TCHP: variants seen among roughly 807,000 people sequenced by gnomAD.
TCHP encodes trichoplein keratin filament binding.
In TCHP, 81 loss-of-function variants were observed where a neutral mutation model predicts 88.7. That is an observed-to-expected ratio of 0.91 (90% CI 0.76 to 1.10). The LOEUF (loss-of-function observed/expected upper bound fraction) is 1.10. Among genes scored for constraint, TCHP ranks in the 50% least tolerant of loss-of-function variants. The pLI is 0.00. For synonymous variants in TCHP, 232 were observed against 232.5 expected (o/e 1.00, Z 0.02); for missense variants, 641 against 632.1 (o/e 1.01, Z -0.15).
the TCHP span, among the ~76,000 whole-genome samples, chr12:109,883,162 T>C: frequency 2.0e-5 from 3 of 151,226 alleles, no homozygotes; most frequent in African/African-American, 7.3e-5. Flanking sequence ...GTCTCTCAAG[T>C]ACCTGGGACT....
the TCHP span, among the ~76,000 whole-genome samples, chr12:109,884,102 G>A: frequency 4.6e-5 from 7 of 152,176 alleles, no homozygotes; most frequent in African/African-American, 9.7e-5. Context: ...TGAAGTGGGA[G>A]GACCCCTTGA....
intron 10 of TCHP, among the ~76,000 whole-genome samples, chr12:109,914,036 C>A (rs991891365): frequency 4.6e-5 from 7 of 152,162 alleles, no homozygotes; most frequent in Non-Finnish European, 8.8e-5. Flanking sequence ...GAGGACCACC[C>A]CAGCTCCACC....
chr12:109,908,996 C>T, intron 8 of TCHP, 59 bp downstream of exon 8: 1 of 1,515,600 alleles, frequency 6.6e-7, no homozygotes, highest in Non-Finnish European at 9.1e-7. Flanking sequence ...AAAGGCCTTC[C>T]ATTGCTTAGT....
chr12:109,902,650 T>G, intron 1 of TCHP, among the ~76,000 whole-genome samples: 1 of 152,150 alleles, frequency 6.6e-6, no homozygotes, highest in African/African-American at 2.4e-5. Context: ...ATTTTTTGTA[T>G]TTTTAGTGGA....
Position 109,903,278 on chromosome 12 carries a change from C to T in TCHP, c.188+64C>T. ...ACCACTTGCTGGTCAGGGGATGAGG[C>T]CTTAAGGATTTAGGGAGCGTAGGAT... On this transcript the variant is annotated intron_variant, in intron 2 of 12. Transcript: ENST00000405876. This position sits in a 1 kb window ranked among gnomAD's most constrained non-coding sequence, Gnocchi z 4.6. 6.7e-7 allele frequency: 1 copy of T among 1,497,300 alleles called. No homozygotes were observed. Among genetic ancestry groups the T allele is most frequent in the South Asian group, 1.2e-5 (1 of 80,930 alleles). 92.8% of individuals were successfully genotyped at this position (1,497,300 alleles called of 1,614,324 possible). A position where few individuals can be genotyped will look rare whatever the true frequency, so the allele number is the denominator to read the frequency against.
At chr12:109,881,561 A>G in the TCHP span, among the ~76,000 whole-genome samples, 1 of 152,244 alleles carries the variant, frequency 6.6e-6, no homozygotes, top group Non-Finnish European at 1.5e-5. Flanking sequence ...GCCTGCTCCC[A>G]AACTGTGGGG....
At position 109,907,634 on chromosome 12, in the gene TCHP, G is replaced by C; in HGVS notation, c.634G>C (p.Glu212Gln). 2 of 1,614,126 alleles carry C rather than the reference G, an allele frequency of 1.2e-6. No individual in the cohort carries two copies. Among genetic ancestry groups the C allele is most frequent in the Non-Finnish European group, 1.7e-6 (2 of 1,180,018 alleles). Reference protein sequence around the residue: ...MKAEEERRQLEDKLQAEALLQ... With the variant: ...MKAEEERRQLQDKLQAEALLQ... ...AGCTGAAGAGGAGAGGAGGCAGCTGGAGGACAAGCTCCAGGCCGAGGCACT... is the reference window on the plus strand; with the variant it reads ...AGCTGAAGAGGAGAGGAGGCAGCTGCAGGACAAGCTCCAGGCCGAGGCACT... Residue 212 changes from glutamate to glutamine, a missense_variant, in exon 6 of 13, where the codon GAG (glutamate) becomes CAG (glutamine). Transcript: ENST00000405876.
the TCHP span, among the ~76,000 whole-genome samples, chr12:109,893,319 C>T: frequency 5.8e-3 from 864 of 149,968 alleles, 4 homozygotes; most frequent in African/African-American, 0.02. Flanking sequence ...GCAGAGGCTG[C>T]ATTAAGCTGA....
intron 10 of TCHP, among the ~76,000 whole-genome samples, chr12:109,913,452 C>T (rs1870622363): frequency 6.6e-6 from 1 of 152,176 alleles, no homozygotes; most frequent in South Asian, 2.1e-4. Flanking sequence ...ACGGACTGTC[C>T]TCTGTCACCC....
At position 109,903,783 on chromosome 12, in the gene TCHP, C is replaced by G. The variant is rs907598053; in HGVS notation, c.189-154C>G. ...AAAACAAGATTTTCTCTTACACATACTATTCTGTGACCTGCTGTCTCTGCT... is the reference window on the plus strand; with the variant it reads ...AAAACAAGATTTTCTCTTACACATAGTATTCTGTGACCTGCTGTCTCTGCT... On this transcript the variant is annotated intron_variant, in intron 2 of 12. Transcript: ENST00000405876. The surrounding 1 kb of genome is among the most constrained non-coding windows in gnomAD (Gnocchi z 4.6). Among the ~76,000 whole-genome samples, 6 of 152,224 alleles carry G rather than the reference C, an allele frequency of 3.9e-5. No homozygotes were observed. Among genetic ancestry groups the G allele is most frequent in the Non-Finnish European group, 8.8e-5 (6 of 68,044 alleles).
At chr12:109,912,249 G>A (rs1248161275) in intron 9 of TCHP, among the ~76,000 whole-genome samples, 1 of 152,210 alleles carries the variant, frequency 6.6e-6, no homozygotes, top group African/African-American at 2.4e-5. Context: ...GTGCTTTACA[G>A]GCCTCATCTT....
rs780976160 is a variant in TCHP, at chr12:109,913,044, G to A, written c.1106G>A (p.Arg369His). 23 of 1,613,890 alleles carry A rather than the reference G, an allele frequency of 1.4e-5. No individual in the cohort carries two copies. The highest frequency in any genetic ancestry group is 1.1e-4 in the East Asian group (5 of 44,878). The change falls in exon 10 of 13, where the codon CGC becomes CAC. Residue 369 changes from arginine (R) to histidine (H), a missense_variant. By Grantham distance (29) the Arg-to-His change is conservative. Transcript: ENST00000405876. ...EKREAEWARE[R>H]SARDRLMSEV... ...AGAGAGGCAGAGTGGGCCCGAGAGC[G>A]CAGCGCACGGGACAGACTGATGAGC...
At chr12:109,909,035 A>G in intron 8 of TCHP, 98 bp downstream of exon 8, 1 of 1,171,148 alleles carries the variant, frequency 8.5e-7, no homozygotes, top group Non-Finnish European at 1.2e-6. Flanking sequence ...AAGAATGAAG[A>G]CAGTGAGGGG....
chr12:109,891,569 GT>G, the TCHP span, among the ~76,000 whole-genome samples: 196 of 140,874 alleles, frequency 1.4e-3, no homozygotes, highest in African/African-American at 2.6e-3. Flanking sequence ...AATTTTTTGG[GT>G]TTTTTTTTTT....
At chr12:109,908,531 A>T in intron 6 of TCHP, 55 bp from the exon 7 acceptor site, 1 of 1,448,086 alleles carries the variant, frequency 6.9e-7, no homozygotes, top group Non-Finnish European at 9.5e-7. Context: ...ATGAAGGAAG[A>T]TCTGATTCCC....
Position 109,916,046 on chromosome 12 carries a change from G to A in TCHP, c.1464+500G>A, listed in dbSNP as rs80267539. On this transcript the variant is annotated intron_variant, in intron 12 of 12. Coordinates refer to ENST00000405876, the MANE Select transcript of TCHP (RefSeq NM_001143852.2). ...GGACCTGTCTGCACAGCACCATGGG[G>A]AGCACAGAGAAGCAAATGCTGCCTT... Among the ~76,000 whole-genome samples, 35 of 152,326 alleles carry A rather than the reference G, an allele frequency of 2.3e-4. 1 individual carries two copies. The East Asian group carries it at 6.7e-3, about 29-fold the overall frequency.
intron 10 of TCHP, 52 bp downstream of exon 10, chr12:109,913,124 C>CT: frequency 1.9e-6 from 3 of 1,563,516 alleles, no homozygotes; most frequent in Non-Finnish European, 1.8e-6. Flanking sequence ...GGGCAGGTGT[C>CT]TGGAAGTCCA....
chr12:109,910,923 T>C, intron 8 of TCHP, 140 bp from the exon 9 acceptor site: 1 of 1,279,958 alleles, frequency 7.8e-7, no homozygotes, highest in Non-Finnish European at 1.0e-6. Context: ...TCCAGGATCT[T>C]CCCATCTCTG....
chr12:109,908,868 C>T lies in TCHP; in HGVS notation c.813-3C>T. 6.2e-7 allele frequency: 1 copy of T among 1,614,196 alleles called. No homozygotes were observed. Among genetic ancestry groups the T allele is most frequent in the Non-Finnish European group, 8.5e-7 (1 of 1,180,016 alleles). ...AGGCAGCCCACATTTGATTCTCCTT[C>T]AGGCGTTTCTTGAGACATCAGTATA... On this transcript the variant is annotated splice_polypyrimidine_tract_variant and splice_region_variant and intron_variant, in intron 7 of 12. Transcript: ENST00000405876.
Sources: allele counts gnomAD v4.1 joint callset (sites outside exome capture counted in the v4.1 genomes callset), GRCh38; gene constraint gnomAD v4.1.1; non-coding constraint Gnocchi (gnomAD v3.1); transcripts MANE v1.5; gene names NCBI Gene and HGNC (gene_info 2026-07-23, HGNC 2026-07-21).